FAAH2: variants seen among roughly 807,000 people sequenced by gnomAD.
The protein encoded by FAAH2 is fatty-acid amide hydrolase 2.
In FAAH2, 60 loss-of-function variants were observed where a neutral mutation model predicts 36.9. That is an observed-to-expected ratio of 1.63 (90% confidence interval 1.32 to 2.02). The LOEUF is 2.02. FAAH2 is among the 30% of genes most tolerant of loss of function. The probability of loss-of-function intolerance (pLI) is 0.00; values close to 1 mark genes in which losing one functional copy is unlikely to be tolerated. For missense variants in FAAH2, 689 were observed against 397.5 expected, an observed-to-expected ratio of 1.73 and a Z score of -6.23; for synonymous variants, 214 against 143.8, an observed-to-expected ratio of 1.49 and a Z score of -3.49.
the FAAH2 span, among the ~76,000 whole-genome samples, chrX:57,255,803 A>C: frequency 1.8e-5 from 2 of 111,883 alleles, no homozygotes; most frequent in East Asian, 5.6e-4. Context: ...TATATGACAA[A>C]CCCACAACCG....
the FAAH2 span, among the ~76,000 whole-genome samples, chrX:57,227,574 T>A: frequency 9.0e-6 from 1 of 111,270 alleles, no homozygotes; most frequent in Admixed American, 9.5e-5. Context: ...ATGGACTCCA[T>A]GGGGGTCCTC....
chrX:57,336,347 A>G (rs1291374937), intron 4 of FAAH2, among the ~76,000 whole-genome samples: 4 of 110,453 alleles, frequency 3.6e-5, no homozygotes, highest in Admixed American at 9.7e-5. Context: ...ATCTCCCTTC[A>G]TTGACTCTCT....
chrX:57,249,275 A>C, the FAAH2 span, among the ~76,000 whole-genome samples: 2 of 112,094 alleles, frequency 1.8e-5, no homozygotes, highest in South Asian at 7.4e-4. Flanking sequence ...TATAAGTTAA[A>C]CATTAAAGAA....
At chrX:57,458,129 C>T (rs761396421) in intron 10 of FAAH2, among the ~76,000 whole-genome samples, 155 of 111,074 alleles carry the variant, frequency 1.4e-3, no homozygotes, top group Non-Finnish European at 2.4e-3. Flanking sequence ...ATTGAGAACC[C>T]AGAAATAAAC....
chrX:57,333,419 C>G (rs1270299430), intron 4 of FAAH2, among the ~76,000 whole-genome samples: 1 of 111,415 alleles, frequency 9.0e-6, no homozygotes, highest in African/African-American at 3.3e-5. Flanking sequence ...AAAGAGAAAG[C>G]AACCATCAAG....
chrX:57,468,160 A>G (rs1022248630), intron 10 of FAAH2, among the ~76,000 whole-genome samples: 1 of 111,550 alleles, frequency 9.0e-6, no homozygotes, highest in East Asian at 2.8e-4. Flanking sequence ...AACAGGGCAG[A>G]AAATCTGAAA....
chrX:57,206,554 C>CT, the FAAH2 span, among the ~76,000 whole-genome samples: 8 of 112,303 alleles, frequency 7.1e-5, no homozygotes, highest in African/African-American at 1.3e-4. Context: ...ATTGCTTGCC[C>CT]TATATAAGTC....
At chrX:57,343,330 G>GT (rs1166600224) in intron 5 of FAAH2, among the ~76,000 whole-genome samples, 1 of 111,913 alleles carries the variant, frequency 8.9e-6, no homozygotes, top group Non-Finnish European at 1.9e-5. Flanking sequence ...GTGTGAGACA[G>GT]TATCTCATTG....
At chrX:57,130,251 C>T in the FAAH2 span, among the ~76,000 whole-genome samples, 2 of 112,131 alleles carry the variant, frequency 1.8e-5, no homozygotes, top group Admixed American at 9.4e-5. Flanking sequence ...AGCAGGAGGG[C>T]GGCATTATCT....
At chrX:57,474,069 T>C (rs1481303333) in intron 10 of FAAH2, among the ~76,000 whole-genome samples, 3 of 112,098 alleles carry the variant, frequency 2.7e-5, no homozygotes, top group Non-Finnish European at 5.6e-5. Flanking sequence ...GTTTCCATTG[T>C]GTAATTGCTT....
intron 10 of FAAH2, among the ~76,000 whole-genome samples, chrX:57,481,133 A>G (rs1445478700): frequency 9.1e-6 from 1 of 109,933 alleles, no homozygotes; most frequent in Non-Finnish European, 1.9e-5. Flanking sequence ...TTAAGTTAGC[A>G]TTTCCTGTAA....
chrX:57,394,602 T>A, intron 7 of FAAH2: 1 of 1,162,125 alleles, frequency 8.6e-7, no homozygotes, highest in Non-Finnish European at 1.2e-6. Context: ...TGCATGAGCA[T>A]TGCAACCGTC....
chrX:57,200,178 T>A, the FAAH2 span, among the ~76,000 whole-genome samples: 16 of 110,496 alleles, frequency 1.4e-4, no homozygotes, highest in African/African-American at 4.6e-4. Flanking sequence ...TTCCTGCCTT[T>A]TTTTTAATGA....
At chrX:57,260,148 C>T in the FAAH2 span, among the ~76,000 whole-genome samples, 4 of 111,165 alleles carry the variant, frequency 3.6e-5, no homozygotes, top group Non-Finnish European at 7.6e-5. Context: ...AAGAAGAAAA[C>T]GCAGTTGAAA....
intron 10 of FAAH2, among the ~76,000 whole-genome samples, chrX:57,462,978 T>C (rs1173252701): frequency 2.7e-5 from 3 of 112,175 alleles, no homozygotes; most frequent in African/African-American, 9.7e-5. Flanking sequence ...ACAAAATCAG[T>C]GTGCAAAAAT....
chrX:57,125,209 C>A, the FAAH2 span, among the ~76,000 whole-genome samples: 1 of 112,882 alleles, frequency 8.9e-6, no homozygotes, highest in Non-Finnish European at 1.9e-5. Context: ...GAGTTTTTAG[C>A]ACGAAGTGCT....
the FAAH2 span, among the ~76,000 whole-genome samples, chrX:57,201,328 G>T: frequency 2.7e-5 from 3 of 110,311 alleles, no homozygotes; most frequent in Non-Finnish European, 3.8e-5. Flanking sequence ...CTGAGGCAGA[G>T]AATTGCTTGA....
chrX:57,456,766 A>T (rs1443037604), intron 10 of FAAH2, among the ~76,000 whole-genome samples: 1 of 111,648 alleles, frequency 9.0e-6, no homozygotes. Flanking sequence ...ACATGAACAG[A>T]TAAATAACAA....
chrX:57,174,803 T>C, the FAAH2 span, among the ~76,000 whole-genome samples: 1 of 111,810 alleles, frequency 8.9e-6, no homozygotes, highest in Non-Finnish European at 1.9e-5. Context: ...TTTCAAATAA[T>C]TTTTAAATTT....
Sources: gnomAD v4.1 joint callset for allele counts (sites outside exome capture counted in the v4.1 genomes callset) on GRCh38, gnomAD v4.1.1 for gene constraint, MANE v1.5 for transcripts, NCBI Gene and HGNC (gene_info 2026-07-23, HGNC 2026-07-21) for gene names.